The following SLC6A4 variants were observed in gnomAD, a reference collection of about 807,000 sequenced individuals.
The protein encoded by SLC6A4 is sodium-dependent serotonin transporter.
A neutral mutation model predicts 73.4 loss-of-function variants in SLC6A4; 22 were observed. The ratio of observed to expected loss-of-function variants is 0.30; its 90% CI spans 0.21 to 0.43. SLC6A4 has a LOEUF of 0.43. SLC6A4 is among the 20% of genes least tolerant of loss of function. The probability of loss-of-function intolerance (pLI) is 1.00; values close to 1 mark genes in which losing one functional copy is unlikely to be tolerated. For synonymous variants in SLC6A4, 270 were observed against 315.5 expected (o/e 0.86, Z 1.53); for missense variants, 593 against 808.5 (o/e 0.73, Z 3.23).
Position 30,203,164 on chromosome 17 carries a change from G to C in SLC6A4, c.1818+8C>G. 1 of 1,606,086 alleles carries C rather than the reference G, an allele frequency of 6.2e-7. No individual in the cohort carries two copies. The highest frequency in any genetic ancestry group is 1.1e-5 in the South Asian group (1 of 90,858). ...AACACACACATATACACACTAACTA[G>C]CACGTACCTCTTTAAATGTCCCTGG... On this transcript the variant is annotated splice_region_variant and intron_variant, in intron 14 of 14. Transcript: ENST00000650711.
At chr17:30,209,534 C>A (rs560567572) in intron 11 of SLC6A4, among the ~76,000 whole-genome samples, 1 of 151,974 alleles carries the variant, frequency 6.6e-6, no homozygotes, top group Non-Finnish European at 1.5e-5. Context: ...TTAATCCCAG[C>A]TACTCAGGAG....
At position 30,221,708 on chromosome 17, in the gene SLC6A4, T is replaced by C. The variant is rs774467106; in HGVS notation, c.251A>G (p.Lys84Arg). The change falls in exon 3 of 15, where the codon AAG becomes AGG. Residue 84 changes from lysine to arginine, a missense_variant. By Grantham distance (26) the Lys-to-Arg change is conservative. Transcript: ENST00000650711. Reference sequence around the variant, plus strand: ...CACTGAGAGAAGGAAATCCACCTTCTTGCCCCAGGTCTCCCGTTCCCCTTG... The same window carrying C: ...CACTGAGAGAAGGAAATCCACCTTCCTGCCCCAGGTCTCCCGTTCCCCTTG... Reference protein sequence around the residue: ...LHQGERETWGKKVDFLLSVIG... With the variant: ...LHQGERETWGRKVDFLLSVIG... 2 of 1,614,156 alleles carry C rather than the reference T, an allele frequency of 1.2e-6. No homozygotes were observed. Among genetic ancestry groups the C allele is most frequent in the Non-Finnish European group, 1.7e-6 (2 of 1,180,024 alleles).
Position 30,197,188 on chromosome 17 carries a change from G to A in SLC6A4, c.*1268C>T, listed in dbSNP as rs1413358936. 1.3e-5 allele frequency: 2 copies of A among 152,308 alleles called. No individual in the cohort carries two copies. The highest frequency in any genetic ancestry group is 2.4e-5 in the African/African-American group (1 of 41,448). The allele number at this position is 152,308 out of a possible 1,614,324, so 9.4% of individuals were successfully genotyped here. On this transcript the variant is annotated 3_prime_UTR_variant, in exon 15 of 15. Coordinates refer to ENST00000650711, the MANE Select transcript of SLC6A4 (RefSeq NM_001045.6). ...TACTTATCTATATTAAGGGCCTTATGTGAAATGAAAGGTGATTTACTTAGC... is the reference window on the plus strand; with the variant it reads ...TACTTATCTATATTAAGGGCCTTATATGAAATGAAAGGTGATTTACTTAGC...
intron 8 of SLC6A4, among the ~76,000 whole-genome samples, chr17:30,215,023 TTTTCTTTC>T (rs779810850): frequency 0.022 from 644 of 29,412 alleles, 1 homozygote; most frequent in Non-Finnish European, 0.048. Context: ...TTTCTTTCTT[TTTTCTTTC>T]TTTCTTTCTT....
chr17:30,215,053 C>A (rs1194920964), intron 8 of SLC6A4, among the ~76,000 whole-genome samples: 1 of 72,736 alleles, frequency 1.4e-5, no homozygotes, highest in Non-Finnish European at 3.0e-5. Flanking sequence ...CTTTATTTCT[C>A]TCTCTCTCTT....
intron 1 of SLC6A4, among the ~76,000 whole-genome samples, chr17:30,232,063 A>C (rs976181052): frequency 6.6e-6 from 1 of 152,220 alleles, no homozygotes; most frequent in Non-Finnish European, 1.5e-5. Flanking sequence ...GGCCCCTTAG[A>C]GGAAAAAGTT....
chr17:30,204,614 C>T (rs972018285), intron 13 of SLC6A4: 1 of 152,216 alleles, frequency 6.6e-6, no homozygotes, highest in African/African-American at 2.4e-5. Flanking sequence ...CCCCCTCACA[C>T]ATCCTGGCCT....
At chr17:30,214,234 C>A (rs58904613) in intron 8 of SLC6A4, among the ~76,000 whole-genome samples, 1 of 151,628 alleles carries the variant, frequency 6.6e-6, no homozygotes, top group Non-Finnish European at 1.5e-5. Flanking sequence ...ACCAGCCTGA[C>A]CAACATGGAG....
intron 13 of SLC6A4, chr17:30,203,576 T>C (rs1906100516): frequency 4.2e-6 from 2 of 475,176 alleles, no homozygotes; most frequent in Admixed American, 3.4e-5. Context: ...TCACTTCCTA[T>C]AGGGGGATGT....
chr17:30,217,379 T>C (rs767244268), intron 5 of SLC6A4, 75 bp from the exon 6 acceptor site: 99 of 1,460,280 alleles, frequency 6.8e-5, no homozygotes, highest in Non-Finnish European at 9.0e-5. Flanking sequence ...GCTGCTCCTT[T>C]GAGGGTGCCC....
Position 30,211,279 on chromosome 17 carries a change from C to T in SLC6A4, c.1317+33G>A. ...GTCCTCCTCCTTTCCTCTTCATCCT[C>T]CCACAGCCCATTTCCCCTTCCCATT... On this transcript the variant is annotated intron_variant, in intron 10 of 14. Coordinates refer to ENST00000650711, the MANE Select transcript of SLC6A4 (RefSeq NM_001045.6). The surrounding 1 kb of genome is among the most constrained non-coding windows in gnomAD (Gnocchi z 4.0). The T allele has an allele frequency of 7.3e-7, 1 of 1,369,302 alleles. No individual in the cohort carries two copies. Among genetic ancestry groups the T allele is most frequent in the Admixed American group, 1.7e-5 (1 of 59,162 alleles). 84.8% of individuals were successfully genotyped at this position (1,369,302 alleles called of 1,614,324 possible).
chr17:30,202,806 T>C (rs2143013355), intron 14 of SLC6A4, among the ~76,000 whole-genome samples: 1 of 152,328 alleles, frequency 6.6e-6, no homozygotes, highest in South Asian at 2.1e-4. Flanking sequence ...TTTCCCACCA[T>C]AATTGCCACT....
chr17:30,212,255 A>G (rs1906410889), intron 9 of SLC6A4, among the ~76,000 whole-genome samples: 1 of 152,266 alleles, frequency 6.6e-6, no homozygotes, highest in South Asian at 2.1e-4. Context: ...TTTTAAAGCC[A>G]TCATCAGAGT....
At chr17:30,229,607 T>A (rs185282697) in intron 1 of SLC6A4, among the ~76,000 whole-genome samples, 2 of 152,168 alleles carry the variant, frequency 1.3e-5, no homozygotes, top group African/African-American at 4.8e-5. Flanking sequence ...AGAGATGAGA[T>A]CTCGCTATGT....
chr17:30,222,361 A>G (rs1323777116), intron 2 of SLC6A4, among the ~76,000 whole-genome samples: 1 of 152,232 alleles, frequency 6.6e-6, no homozygotes, highest in Non-Finnish European at 1.5e-5. Flanking sequence ...TGGACTGGAG[A>G]GCAAAGCACT....
intron 14 of SLC6A4, among the ~76,000 whole-genome samples, chr17:30,201,666 G>A (rs1287751145): frequency 3.9e-5 from 6 of 152,306 alleles, no homozygotes; most frequent in Middle Eastern, 3.4e-3. Flanking sequence ...GAAGCAGCAC[G>A]GGACCCAAGG....
intron 13 of SLC6A4, among the ~76,000 whole-genome samples, chr17:30,206,797 C>A (rs1299485184): frequency 2.8e-5 from 4 of 145,390 alleles, no homozygotes; most frequent in African/African-American, 1.0e-4. Flanking sequence ...CAGCTCACTG[C>A]AACCTCCGCC....
intron 10 of SLC6A4, 103 bp from the exon 11 acceptor site, chr17:30,210,749 C>T: frequency 3.1e-6 from 4 of 1,280,610 alleles, no homozygotes; most frequent in Non-Finnish European, 4.3e-6. Flanking sequence ...AGTGACTGGT[C>T]AAGCTGATCA....
chr17:30,233,397 C>G (rs1907174110), intron 1 of SLC6A4, among the ~76,000 whole-genome samples: 1 of 152,114 alleles, frequency 6.6e-6, no homozygotes, highest in African/African-American at 2.4e-5. Context: ...GGTTAAGGTG[C>G]AGGGGTTAAC....
Sources: gnomAD v4.1 joint callset for allele counts (sites outside exome capture counted in the v4.1 genomes callset) on GRCh38, gnomAD v4.1.1 for gene constraint, Gnocchi (gnomAD v3.1) non-coding constraint, MANE v1.5 for transcripts, NCBI Gene and HGNC (gene_info 2026-07-23, HGNC 2026-07-21) for gene names.